The following CYFIP1 variants were observed in gnomAD, a reference collection of about 807,000 sequenced individuals.
The protein encoded by CYFIP1 is cytoplasmic FMR1 interacting protein 1.
Under a neutral mutation model 163.5 loss-of-function variants are expected in CYFIP1, and 58 were observed. The observed-to-expected ratio is 0.35, with a 90% CI of 0.29 to 0.44. The LOEUF is 0.44. CYFIP1 is among the 20% of genes least tolerant of loss of function. The pLI is 1.00. For synonymous variants in CYFIP1, 663 were observed against 660.7 expected, an observed-to-expected ratio of 1.00 and a Z score of -0.05; for missense variants, 1,338 against 1,653.8, an observed-to-expected ratio of 0.81 and a Z score of 3.31.
At chr15:22,932,989 T>C (rs539026139) in intron 10 of CYFIP1, among the ~76,000 whole-genome samples, 1 of 151,500 alleles carries the variant, frequency 6.6e-6, no homozygotes, top group East Asian at 2.0e-4. Context: ...TGTGCCACCA[T>C]GCCCGGCTAA....
intron 8 of CYFIP1, 139 bp from the exon 9 acceptor site, chr15:22,937,347 T>A: frequency 3.3e-6 from 2 of 605,410 alleles, no homozygotes; most frequent in Non-Finnish European, 5.9e-6. Context: ...TTAGGCTGCT[T>A]GTCTGGTGCT....
intron 29 of CYFIP1, 28 bp from the exon 30 acceptor site, chr15:22,873,000 G>A (rs1359033771): frequency 6.2e-7 from 1 of 1,611,510 alleles, no homozygotes; most frequent in Non-Finnish European, 8.5e-7. Flanking sequence ...AAACAGAATG[G>A]GAGATGAGTG....
intron 1 of CYFIP1, among the ~76,000 whole-genome samples, chr15:22,964,287 C>CAT (rs2062810652): frequency 1.8e-5 from 2 of 111,028 alleles, no homozygotes; most frequent in South Asian, 5.6e-4. Flanking sequence ...CACACACACA[C>CAT]ACACACACAC....
chr15:22,894,530 T>TC (rs2060172697), intron 22 of CYFIP1, among the ~76,000 whole-genome samples: 1 of 151,564 alleles, frequency 6.6e-6, no homozygotes, highest in Non-Finnish European at 1.5e-5. Flanking sequence ...CTTCAAGTGA[T>TC]CCGCCCACCT....
At chr15:22,912,878 G>A (rs2060832640) in intron 17 of CYFIP1, among the ~76,000 whole-genome samples, 1 of 151,186 alleles carries the variant, frequency 6.6e-6, no homozygotes, top group Admixed American at 6.6e-5. Context: ...CTGAGATCGT[G>A]CCACTACACT....
At position 22,940,262 on chromosome 15, in the gene CYFIP1, A is replaced by G. The variant is rs561038571; in HGVS notation, c.570-755T>C. 2.6e-5 allele frequency among the ~76,000 whole-genome samples: 4 copies of G among 152,276 alleles called. No individual in the cohort carries two copies. In the South Asian group the frequency reaches 8.3e-4, roughly 32 times the overall value. On this transcript the variant is annotated intron_variant, in intron 6 of 30. Coordinates refer to ENST00000617928, the MANE Select transcript of CYFIP1 (RefSeq NM_014608.6). ...GCAAAGGCTGATAACCTACACCAAC[A>G]TTCACTTCCTCCCCTTCCTCCTTAG...
rs1038205848 is a variant in CYFIP1 at position 22,874,762 on chromosome 15, C to A, written c.3116-118G>T. 5 of 678,028 alleles carry A rather than the reference C, an allele frequency of 7.4e-6. No homozygotes were observed. In the African/African-American group the frequency reaches 9.3e-5, roughly 13 times the overall value. The allele number at this position is 678,028 out of a possible 1,614,324, so 42.0% of individuals were successfully genotyped here. ...TAAGTTAACATTATGGATACAGATT[C>A]TCTTTGAAAATTATTTTACAGAACT... On this transcript the variant is annotated intron_variant, in intron 27 of 30. Coordinates refer to ENST00000617928, the MANE Select transcript of CYFIP1 (RefSeq NM_014608.6).
In CYFIP1 at chr15:22,881,937, C is replaced by A; in HGVS notation, c.2821-1G>T. 1 of 1,611,640 alleles carries A rather than the reference C, an allele frequency of 6.2e-7. No individual in the cohort carries two copies. On this transcript the variant is annotated splice_acceptor_variant, in intron 24 of 30. Transcript: ENST00000617928. LOFTEE classifies it high-confidence loss of function. ...CGTACTGCAGGATTGTGCCTTGCAG[C>A]TGCCGGGGAGATGAGACGGGCTGCG...
chr15:22,937,400 C>G (rs960260552), intron 8 of CYFIP1, among the ~76,000 whole-genome samples, 192 bp from the exon 9 acceptor site: 1 of 152,088 alleles, frequency 6.6e-6, no homozygotes, highest in Non-Finnish European at 1.5e-5. Flanking sequence ...GGATACAAAG[C>G]GGGGCTGGGC....
intron 16 of CYFIP1, among the ~76,000 whole-genome samples, chr15:22,915,554 G>T (rs2060945292): frequency 6.6e-6 from 1 of 152,080 alleles, no homozygotes; most frequent in Admixed American, 6.6e-5. Flanking sequence ...TTTGAGACCA[G>T]CCTGGCCAAC....
intron 23 of CYFIP1, among the ~76,000 whole-genome samples, chr15:22,891,982 G>A (rs1465779838): frequency 1.3e-5 from 2 of 152,214 alleles, no homozygotes; most frequent in African/African-American, 4.8e-5. Flanking sequence ...GATTGTCCCC[G>A]CTTCCTACAA....
intron 16 of CYFIP1, 137 bp from the exon 17 acceptor site, chr15:22,915,019 G>T: frequency 1.1e-6 from 1 of 873,966 alleles, no homozygotes; most frequent in Admixed American, 3.1e-5. Flanking sequence ...ACATGAGTGG[G>T]GAGGGGTCAC....
rs138593090 is a variant in CYFIP1, at chr15:22,893,545, G to A, written c.2589-568C>T. 5.7e-3 allele frequency among the ~76,000 whole-genome samples: 872 copies of A among 152,314 alleles called. 5 individuals are homozygous for A. Among genetic ancestry groups the A allele is most frequent in the Middle Eastern group, 0.02 (6 of 294 alleles). On this transcript the variant is annotated intron_variant, in intron 22 of 30. Transcript: ENST00000617928. ...AAACACATAAAACTTTTGCAAAGAA[G>A]TATAAGAAAGACAATTTTGTGGATT...
At chr15:22,944,516 C>A (rs781605946) in intron 5 of CYFIP1, 42 bp downstream of exon 5, 1 of 1,374,028 alleles carries the variant, frequency 7.3e-7, no homozygotes, top group Admixed American at 1.7e-5. Context: ...CAGCAACCCA[C>A]CCCTCGGTGT....
At chr15:22,923,105 A>G (rs2061244301) in intron 13 of CYFIP1, among the ~76,000 whole-genome samples, 1 of 152,202 alleles carries the variant, frequency 6.6e-6, no homozygotes, top group African/African-American at 2.4e-5. Context: ...AACGAAAGAA[A>G]AACAGATAAA....
intron 1 of CYFIP1, among the ~76,000 whole-genome samples, chr15:22,976,026 T>C (rs139954658): frequency 6.6e-6 from 1 of 152,208 alleles, no homozygotes; most frequent in Non-Finnish European, 1.5e-5. Context: ...GACCATGGTA[T>C]GTTCCCCCAT....
In CYFIP1 at chr15:22,868,436, ATAAT is replaced by A. The variant is rs778806370; in HGVS notation, c.*1588_*1591del. The stretch of plus-strand genomic sequence containing the variant: ...ACCTAAGGTATTACATATTTGGTAT[ATAAT>A]TAAGCCTTATAAAACTTGGTAATTG... On this transcript the variant is annotated 3_prime_UTR_variant, in exon 31 of 31. Coordinates refer to ENST00000617928, the MANE Select transcript of CYFIP1 (RefSeq NM_014608.6). 9.9e-5 allele frequency: 15 copies of A among 152,162 alleles called. No homozygotes were observed. Among genetic ancestry groups the A allele is most frequent in the African/African-American group, 2.7e-4 (11 of 41,382 alleles). 9.4% of individuals were successfully genotyped at this position (152,162 alleles called of 1,614,324 possible).
chr15:22,935,048 T>C (rs577277410), intron 9 of CYFIP1, among the ~76,000 whole-genome samples: 6 of 152,202 alleles, frequency 3.9e-5, no homozygotes, highest in African/African-American at 1.2e-4. Flanking sequence ...TCAATCCCAG[T>C]CAATATTCCA....
chr15:22,971,413 C>T (rs2063089943), intron 1 of CYFIP1, among the ~76,000 whole-genome samples: 1 of 152,158 alleles, frequency 6.6e-6, no homozygotes, highest in Non-Finnish European at 1.5e-5. Flanking sequence ...TGGCTCATGC[C>T]TGTAATCCCA....
Sources: allele counts gnomAD v4.1 joint callset (sites outside exome capture counted in the v4.1 genomes callset), GRCh38; gene constraint gnomAD v4.1.1; transcripts MANE v1.5; gene names NCBI Gene and HGNC (gene_info 2026-07-23, HGNC 2026-07-21).